Variants in DMD observed in about 807,000 individuals in gnomAD.
The protein encoded by DMD is mutant dystrophin.
DMD carries 63 observed loss-of-function variants against 330.1 expected under a neutral mutation model. That is an observed-to-expected ratio of 0.19 (90% CI 0.16 to 0.24). The LOEUF is 0.24. Ranked by LOEUF, DMD falls within the 10% of genes least tolerant of loss-of-function variation. The pLI, the probability that DMD is intolerant of heterozygous loss-of-function variation, is 1.00. For missense variants in DMD, 3,344 were observed against 2,684.1 expected, an observed-to-expected ratio of 1.25 and a Z score of -5.43; for synonymous variants, 1,223 against 959.8, an observed-to-expected ratio of 1.27 and a Z score of -5.07.
chrX:31,966,253 TAG>T (rs1388329505), intron 45 of DMD, among the ~76,000 whole-genome samples: 1 of 110,810 alleles, frequency 9.0e-6, no homozygotes, highest in East Asian at 2.8e-4. Flanking sequence ...AATTAATTGT[TAG>T]GTTAACATAT....
intron 44 of DMD, among the ~76,000 whole-genome samples, chrX:32,153,167 G>T (rs2096813632): frequency 8.9e-6 from 1 of 111,927 alleles, no homozygotes; most frequent in African/African-American, 3.2e-5. Flanking sequence ...TATTATTGGA[G>T]TGTATTGCTA....
At chrX:32,207,670 C>A (rs1219312917) in intron 44 of DMD, among the ~76,000 whole-genome samples, 1 of 111,938 alleles carries the variant, frequency 8.9e-6, no homozygotes, top group East Asian at 2.8e-4. Flanking sequence ...TGAAGGATAG[C>A]ACTGGTTATG....
Position 32,630,815 on chromosome X carries a change from T to C in DMD, c.1331+13317A>G, listed in dbSNP as rs73209861. ...AGGTCACATATCTGTCTCTCCAAGA[T>C]TGGTCAGCGATGCCTTATTTAGTTC... is the stretch of plus-strand genomic sequence containing the variant. On this transcript the variant is annotated intron_variant, in intron 11 of 78. Coordinates refer to ENST00000357033, the MANE Select transcript of DMD (RefSeq NM_004006.3). 4.9e-3 allele frequency among the ~76,000 whole-genome samples: 553 copies of C among 112,123 alleles called. 4 individuals are homozygous for C. The highest frequency in any genetic ancestry group is 0.016 in the African/African-American group (479 of 30,899).
In DMD at chrX:31,348,608, C is replaced by A; in HGVS notation, c.9111G>T (p.Gln3037His). The change falls in exon 61 of 79, where the codon CAG (glutamine) becomes CAT (histidine). Residue 3037 changes from glutamine to histidine, a missense_variant. Coordinates refer to ENST00000357033, the MANE Select transcript of DMD (RefSeq NM_004006.3). Reference protein sequence around the residue: ...LQVAVEDRVRQLHEAHRDFGP... With the variant: ...LQVAVEDRVRHLHEAHRDFGP... ...CAAAGTCCCTGTGGGCTTCATGCAGCTGCCTGACTCGGTCCTCGACGGCCA... is the reference window on the plus strand; with the variant it reads ...CAAAGTCCCTGTGGGCTTCATGCAGATGCCTGACTCGGTCCTCGACGGCCA... The A allele has an allele frequency of 3.3e-6, 4 of 1,210,869 alleles. No individual in the cohort carries two copies. Among genetic ancestry groups the A allele is most frequent in the Non-Finnish European group, 4.5e-6 (4 of 895,005 alleles).
chrX:31,658,722 A>C (rs1357249493), intron 53 of DMD, among the ~76,000 whole-genome samples: 1 of 112,472 alleles, frequency 8.9e-6, no homozygotes, highest in Non-Finnish European at 1.9e-5. Flanking sequence ...GAATCTTACT[A>C]AACCAAATCA....
At position 32,448,461 on chromosome X, in the gene DMD, A is replaced by C. The variant is rs1289897334; in HGVS notation, c.3781T>G (p.Leu1261Val). 1 of 1,206,130 alleles carries C rather than the reference A, an allele frequency of 8.3e-7. No homozygotes were observed. The highest frequency in any genetic ancestry group is 1.1e-6 in the Non-Finnish European group (1 of 892,325). ...CTRLNGKCKTLEEVWACWHEL... is the reference protein window; with the variant it reads ...CTRLNGKCKTVEEVWACWHEL... ...GACCAAGAAAAGCAACTGACTTCCA[A>C]AGTCTTGCATTTCCCATTCAGCCTA... Residue 1261 changes from leucine (L) to valine (V), a missense_variant, in exon 27 of 79, where the codon TTG (leucine) becomes GTG (valine). Physicochemically the swap from Leu to Val is conservative, Grantham distance 32 (BLOSUM62 1). Coordinates refer to ENST00000357033, the MANE Select transcript of DMD (RefSeq NM_004006.3).
At chrX:32,820,366 C>CA (rs1396568353) in intron 5 of DMD, among the ~76,000 whole-genome samples, 17 of 111,430 alleles carry the variant, frequency 1.5e-4, no homozygotes, top group Admixed American at 1.3e-3. Flanking sequence ...GGCATGAACC[C>CA]AGGAGGCGGA....
chrX:32,070,869 T>G (rs1021248967), intron 44 of DMD, among the ~76,000 whole-genome samples: 2 of 111,132 alleles, frequency 1.8e-5, no homozygotes, highest in African/African-American at 6.6e-5. Context: ...TGGTGCAGTG[T>G]ATACTACTCG....
chrX:32,232,006 G>A (rs2097170847), intron 43 of DMD, among the ~76,000 whole-genome samples: 2 of 108,513 alleles, frequency 1.8e-5, no homozygotes, highest in East Asian at 5.7e-4. Flanking sequence ...TAGTATTATT[G>A]AAAAAGGAGG....
intron 48 of DMD, among the ~76,000 whole-genome samples, chrX:31,856,959 A>C (rs1427453627): frequency 8.9e-6 from 1 of 112,397 alleles, no homozygotes; most frequent in Non-Finnish European, 1.9e-5. Flanking sequence ...TAAAAATTAA[A>C]AGTATGCGCA....
rs1350808123 is a variant in DMD, at chrX:32,660,538, A to G, written c.961-15386T>C. Among the ~76,000 whole-genome samples, 4 of 111,522 alleles carry G rather than the reference A, an allele frequency of 3.6e-5. No homozygotes were observed. In the East Asian group the frequency reaches 8.4e-4, roughly 23 times the overall value. On this transcript the variant is annotated intron_variant, in intron 9 of 78. Transcript: ENST00000357033. ...TTCTGTAGGTATAGAATATTTTATA[A>G]CTGACCTATTTATAATGGGACTACC...
intron 62 of DMD, among the ~76,000 whole-genome samples, chrX:31,299,956 C>G (rs1367938697): frequency 9.0e-6 from 1 of 111,070 alleles, no homozygotes; most frequent in Non-Finnish European, 1.9e-5. Context: ...TGGGAATATA[C>G]AAGAGGAAAC....
chrX:32,854,748 T>C (rs1298492083), intron 2 of DMD, among the ~76,000 whole-genome samples: 1 of 111,292 alleles, frequency 9.0e-6, no homozygotes, highest in Non-Finnish European at 1.9e-5. Flanking sequence ...ATGGCTTCAC[T>C]GCTGAATGTT....
chrX:32,396,966 G>C (rs926672263), intron 30 of DMD, among the ~76,000 whole-genome samples: 2 of 111,516 alleles, frequency 1.8e-5, no homozygotes, highest in Admixed American at 1.9e-4. Flanking sequence ...AAATAGAAAA[G>C]TAACTTGTAC....
At chrX:31,249,926 TCACAA>T (rs1266388566) in intron 63 of DMD, among the ~76,000 whole-genome samples, 2 of 111,590 alleles carry the variant, frequency 1.8e-5, no homozygotes, top group Non-Finnish European at 3.8e-5. Flanking sequence ...ATTCTAATCC[TCACAA>T]CACAAGATAA....
chrX:32,697,774 A>G, intron 9 of DMD, 96 bp downstream of exon 9: 1 of 1,127,015 alleles, frequency 8.9e-7, no homozygotes, highest in African/African-American at 1.8e-5. Context: ...ACGAGGAGAT[A>G]AAAGGCACTG....
chrX:31,236,185 C>T (rs2047702963), intron 63 of DMD, among the ~76,000 whole-genome samples: 1 of 112,398 alleles, frequency 8.9e-6, no homozygotes, highest in Non-Finnish European at 1.9e-5. Context: ...AATGGTACAG[C>T]AGAATAAACC....
chrX:31,653,339 G>C (rs1308720447), intron 54 of DMD, among the ~76,000 whole-genome samples: 2 of 111,635 alleles, frequency 1.8e-5, no homozygotes, highest in Non-Finnish European at 3.8e-5. Flanking sequence ...GTATATGCAT[G>C]CATATGCATA....
chrX:33,008,955 T>C (rs1166344859), intron 2 of DMD, among the ~76,000 whole-genome samples: 8 of 98,456 alleles, frequency 8.1e-5, no homozygotes, highest in African/African-American at 2.9e-4. Context: ...TATATACGTA[T>C]ATATACATAT....
Sources: allele counts gnomAD v4.1 joint callset (sites outside exome capture counted in the v4.1 genomes callset), GRCh38; gene constraint gnomAD v4.1.1; transcripts MANE v1.5; gene names NCBI Gene and HGNC (gene_info 2026-07-23, HGNC 2026-07-21).